Variants in OPCML observed in about 807,000 individuals in gnomAD.
OPCML encodes the protein opioid-binding protein/cell adhesion molecule.
OPCML carries 13 observed loss-of-function variants against 37.8 expected under a neutral mutation model. That is an observed-to-expected ratio of 0.34 (90% CI 0.22 to 0.55). The LOEUF (loss-of-function observed/expected upper bound fraction) is 0.55, where lower values mean the gene tolerates loss of function less well. OPCML is among the 20% of genes least tolerant of loss of function. The probability of loss-of-function intolerance (pLI) is 0.91; values close to 1 mark genes in which losing one functional copy is unlikely to be tolerated. For missense variants in OPCML, 341 were observed against 435.6 expected (o/e 0.78, Z 1.93); for synonymous variants, 176 against 168.8 (o/e 1.04, Z -0.33).
chr11:133,039,044 C>T (rs971066426), intron 1 of OPCML, among the ~76,000 whole-genome samples: 1 of 152,198 alleles, frequency 6.6e-6, no homozygotes, highest in Non-Finnish European at 1.5e-5. Context: ...ATTCCCACTT[C>T]CTATGCTGGC....
At chr11:132,963,121 T>G (rs1034482506) in intron 1 of OPCML, among the ~76,000 whole-genome samples, 34 of 152,046 alleles carry the variant, frequency 2.2e-4, no homozygotes, top group African/African-American at 8.0e-4. Flanking sequence ...GGGCTTCAGG[T>G]TACTTGAAAA....
intron 4 of OPCML, among the ~76,000 whole-genome samples, chr11:132,474,131 C>T (rs1049489936): frequency 6.6e-6 from 1 of 152,052 alleles, no homozygotes; most frequent in Non-Finnish European, 1.5e-5. Context: ...AGCAGACAGA[C>T]CCAACATGCA....
At chr11:132,824,015 G>A (rs575097158) in intron 2 of OPCML, among the ~76,000 whole-genome samples, 31 of 152,260 alleles carry the variant, frequency 2.0e-4, no homozygotes, top group African/African-American at 7.5e-4. Flanking sequence ...GTGCCGTAGG[G>A]TTCAATCCTG....
intron 1 of OPCML, among the ~76,000 whole-genome samples, chr11:133,513,768 G>T (rs1402685254): frequency 6.6e-6 from 1 of 152,186 alleles, no homozygotes; most frequent in Non-Finnish European, 1.5e-5. Flanking sequence ...AGAATTAGTT[G>T]TTGCCTATGG....
At chr11:132,522,505 C>T (rs2096296342) in intron 4 of OPCML, among the ~76,000 whole-genome samples, 1 of 152,230 alleles carries the variant, frequency 6.6e-6, no homozygotes, top group Admixed American at 6.5e-5. Context: ...CTGTATGCTA[C>T]ATGGATTCAA....
rs959158646 is a variant in OPCML at position 133,445,980 on chromosome 11, T to G, written c.61+86284A>C. ...AGCAATGTGTCTGTGATTTGCATGA[T>G]CTAAAAGGGGGTCAAAAATATCTGT... On this transcript the variant is annotated intron_variant, in intron 1 of 7. Coordinates refer to ENST00000524381, the MANE Select transcript of OPCML (RefSeq NM_001012393.5). Among the ~76,000 whole-genome samples, 4 of 152,236 alleles carry G rather than the reference T, an allele frequency of 2.6e-5. No homozygotes were observed. The East Asian group carries it at 7.7e-4, about 29-fold the overall frequency.
chr11:132,849,962 T>G, intron 2 of OPCML, among the ~76,000 whole-genome samples: 1 of 152,196 alleles, frequency 6.6e-6, no homozygotes, highest in East Asian at 1.9e-4. Context: ...ACGCACCAGC[T>G]CCTTCCATCC....
chr11:132,802,678 T>C (rs1384885452), intron 2 of OPCML, among the ~76,000 whole-genome samples: 1 of 152,096 alleles, frequency 6.6e-6, no homozygotes, highest in African/African-American at 2.4e-5. Flanking sequence ...AGGCATTAGA[T>C]GTGATTTCAG....
chr11:132,793,074 G>A (rs370894277), intron 2 of OPCML, among the ~76,000 whole-genome samples: 487 of 152,200 alleles, frequency 3.2e-3, no homozygotes, highest in African/African-American at 0.011. Context: ...GGTCCGGGGC[G>A]CCTCCGGCCC....
Position 132,436,703 on chromosome 11 carries a change from A to C in OPCML, c.720T>G (p.Ser240=). 1.2e-6 allele frequency: 2 copies of C among 1,614,192 alleles called. No homozygotes were observed. Among genetic ancestry groups the C allele is most frequent in the Non-Finnish European group, 1.7e-6 (2 of 1,180,042 alleles). Residue 240 remains serine, a synonymous_variant, in exon 6 of 8, where the codon TCT becomes TCG. Coordinates refer to ENST00000524381, the MANE Select transcript of OPCML (RefSeq NM_001012393.5). ...GQKGILSCEA[S]AVPMAEFQWF... is the part of the protein sequence containing the mutation. ...ACTGGAATTCAGCCATGGGGACTGC[A>C]GAGGCTTCACAGCTCAGGATGCCCT...
chr11:133,122,651 CT>C (rs1404791425), intron 1 of OPCML, among the ~76,000 whole-genome samples: 4 of 152,116 alleles, frequency 2.6e-5, no homozygotes, highest in Non-Finnish European at 5.9e-5. Flanking sequence ...TCAAAATATA[CT>C]TCCCCTCCCT....
At chr11:133,081,875 C>T (rs901388332) in intron 1 of OPCML, among the ~76,000 whole-genome samples, 2 of 152,040 alleles carry the variant, frequency 1.3e-5, no homozygotes, top group African/African-American at 2.4e-5. Flanking sequence ...CCCTTCTCAG[C>T]AGCCTTCAGC....
chr11:132,458,871 C>G (rs1387680483), intron 4 of OPCML, among the ~76,000 whole-genome samples: 1 of 152,020 alleles, frequency 6.6e-6, no homozygotes, highest in Non-Finnish European at 1.5e-5. Context: ...GAAAATGTAG[C>G]CTCCCTCATA....
At chr11:133,430,262 A>G (rs891199828) in intron 1 of OPCML, among the ~76,000 whole-genome samples, 6 of 152,200 alleles carry the variant, frequency 3.9e-5, no homozygotes, top group Non-Finnish European at 7.3e-5. Flanking sequence ...GGGTTTTAAA[A>G]AAAGAGGAAA....
intron 1 of OPCML, among the ~76,000 whole-genome samples, chr11:133,431,030 C>T (rs1429944149): frequency 6.6e-6 from 1 of 152,052 alleles, no homozygotes; most frequent in Non-Finnish European, 1.5e-5. Flanking sequence ...ATGATATAAA[C>T]ACAGAGGCAA....
At chr11:132,461,859 T>A (rs144008709) in intron 4 of OPCML, among the ~76,000 whole-genome samples, 193 of 152,024 alleles carry the variant, frequency 1.3e-3, no homozygotes, top group African/African-American at 4.6e-3. Context: ...AATCATCAGA[T>A]CTCCTGAGAA....
chr11:132,833,997 A>C (rs1480307242), intron 2 of OPCML, among the ~76,000 whole-genome samples: 1 of 152,226 alleles, frequency 6.6e-6, no homozygotes, highest in Non-Finnish European at 1.5e-5. Context: ...CTAACTCTTG[A>C]CCTATGGGTG....
intron 3 of OPCML, among the ~76,000 whole-genome samples, chr11:132,560,532 A>G (rs1294589557): frequency 6.6e-6 from 1 of 152,156 alleles, no homozygotes; most frequent in Admixed American, 6.5e-5. Context: ...ACAAGTCCCC[A>G]AAGTCCATTG....
rs189419943 is a variant in OPCML at position 132,628,240 on chromosome 11, G to A, written c.379+28847C>T. ...GAGAAGGAGAGAGCCAGAGCCACAC[G>A]GCTCACGTTACCAAGGGAAAAATGA... On this transcript the variant is annotated intron_variant, in intron 3 of 7. Transcript: ENST00000524381. Among the ~76,000 whole-genome samples the A allele has an allele frequency of 7.2e-5, 11 of 152,172 alleles. No homozygotes were observed. The South Asian group carries it at 8.3e-4, about 11-fold the overall frequency.
Sources: gnomAD v4.1 joint callset for allele counts (sites outside exome capture counted in the v4.1 genomes callset) on GRCh38, gnomAD v4.1.1 for gene constraint, MANE v1.5 for transcripts, NCBI Gene and HGNC (gene_info 2026-07-23, HGNC 2026-07-21) for gene names.